E2F3: variants seen among roughly 807,000 people sequenced by gnomAD.
The protein encoded by E2F3 is E2F transcription factor 3.
Under a neutral mutation model 44.4 loss-of-function variants are expected in E2F3, and 11 were observed. That is an observed-to-expected ratio of 0.25 (90% CI 0.16 to 0.41). E2F3 has a LOEUF of 0.41. Among genes scored for constraint, E2F3 ranks in the 10% least tolerant of loss-of-function variants. The pLI, the probability that E2F3 is intolerant of heterozygous loss-of-function variation, is 1.00. For synonymous variants in E2F3, 249 were observed against 253.0 expected (o/e 0.98, Z 0.15); for missense variants, 487 against 583.6 (o/e 0.83, Z 1.70).
intron 1 of E2F3, among the ~76,000 whole-genome samples, chr6:20,452,908 C>T (rs1246767757): frequency 7.9e-5 from 12 of 152,038 alleles, no homozygotes; most frequent in South Asian, 6.2e-4. Context: ...GAGCCGAGAT[C>T]GCACCACTGT....
At chr6:20,458,778 G>A (rs898520748) in intron 1 of E2F3, among the ~76,000 whole-genome samples, 3 of 152,198 alleles carry the variant, frequency 2.0e-5, no homozygotes, top group Non-Finnish European at 4.4e-5. Flanking sequence ...GTGGTTCCAG[G>A]ATGCTTCCCT....
chr6:20,460,548 C>T (rs994788968), intron 1 of E2F3, among the ~76,000 whole-genome samples: 3 of 152,120 alleles, frequency 2.0e-5, no homozygotes, highest in African/African-American at 7.2e-5. Context: ...TAACCATTCC[C>T]TTTTAATGAA....
At chr6:20,424,332 G>A (rs559588764) in intron 1 of E2F3, among the ~76,000 whole-genome samples, 92 of 141,112 alleles carry the variant, frequency 6.5e-4, no homozygotes, top group African/African-American at 2.4e-3. Context: ...CTTTCCCCAC[G>A]CATGCACTTG....
intron 1 of E2F3, 152 bp from the exon 2 acceptor site, chr6:20,479,694 C>T (rs761923579): frequency 1.1e-5 from 7 of 634,158 alleles, no homozygotes; most frequent in Non-Finnish European, 1.7e-5. Context: ...AGAATCCTGG[C>T]TCTAGGGAAT....
At chr6:20,460,281 A>G (rs973069403) in intron 1 of E2F3, among the ~76,000 whole-genome samples, 1 of 152,204 alleles carries the variant, frequency 6.6e-6, no homozygotes, top group Admixed American at 6.5e-5. Context: ...ATTCCCACAC[A>G]CATTCTATCA....
At chr6:20,456,060 G>A (rs1321634623) in intron 1 of E2F3, among the ~76,000 whole-genome samples, 1 of 152,110 alleles carries the variant, frequency 6.6e-6, no homozygotes, top group African/African-American at 2.4e-5. Flanking sequence ...GTTCTTACCT[G>A]TAATCTCATA....
chr6:20,479,757 C>G, intron 1 of E2F3, 89 bp from the exon 2 acceptor site: 1 of 1,072,216 alleles, frequency 9.3e-7, no homozygotes, highest in East Asian at 2.6e-5. Flanking sequence ...CATGAGCCTG[C>G]AGCATTTGGC....
intron 1 of E2F3, among the ~76,000 whole-genome samples, chr6:20,411,275 G>A (rs1303025342): frequency 2.0e-5 from 3 of 152,210 alleles, no homozygotes; most frequent in Non-Finnish European, 4.4e-5. Flanking sequence ...GAATCAGGGT[G>A]TCTGAGCTGC....
chr6:20,459,114 AAGTT>A (rs1355428340), intron 1 of E2F3, among the ~76,000 whole-genome samples: 2 of 152,130 alleles, frequency 1.3e-5, no homozygotes, highest in African/African-American at 4.8e-5. Context: ...AAAAATATAA[AAGTT>A]AGTCTTAGCC....
chr6:20,449,163 C>G (rs1448736455), intron 1 of E2F3, among the ~76,000 whole-genome samples: 1 of 152,160 alleles, frequency 6.6e-6, no homozygotes, highest in Non-Finnish European at 1.5e-5. Flanking sequence ...CTGAAGTTTT[C>G]TGATTTTTTA....
At chr6:20,441,571 G>C (rs962324854) in intron 1 of E2F3, among the ~76,000 whole-genome samples, 1 of 151,750 alleles carries the variant, frequency 6.6e-6, no homozygotes, top group Non-Finnish European at 1.5e-5. Flanking sequence ...TGTTTAGCTT[G>C]TGTTTTTGTT....
chr6:20,454,377 ACTGC>A (rs1246309979), intron 1 of E2F3, among the ~76,000 whole-genome samples: 12 of 152,222 alleles, frequency 7.9e-5, no homozygotes, highest in African/African-American at 2.7e-4. Context: ...ACCCTATAGC[ACTGC>A]CTTGTGGGCG....
intron 1 of E2F3, among the ~76,000 whole-genome samples, chr6:20,432,284 G>GC (rs1364084478): frequency 6.6e-6 from 1 of 150,718 alleles, no homozygotes; most frequent in African/African-American, 2.5e-5. Context: ...GCCTTGGGGA[G>GC]GGGGGTCTGT....
rs1305674676 is a variant in E2F3 at position 20,492,838 on chromosome 6, A to G, written c.*2408A>G. ...TAAGTAATTTTCTTTTTGACTTAGT[A>G]TCCGGCACACAAAGTGGGTTAGTAC... On this transcript the variant is annotated 3_prime_UTR_variant, in exon 7 of 7. Coordinates refer to ENST00000346618, the MANE Select transcript of E2F3 (RefSeq NM_001949.5). The G allele has an allele frequency of 1.3e-5, 3 of 223,876 alleles. No homozygotes were observed. Among genetic ancestry groups the G allele is most frequent in the Admixed American group, 5.7e-5 (1 of 17,432 alleles). The allele number at this position is 223,876 out of a possible 1,614,324, so 13.9% of individuals were successfully genotyped here.
chr6:20,436,452 A>AACACACACACACACACAC (rs765678025), intron 1 of E2F3, among the ~76,000 whole-genome samples: 18 of 146,336 alleles, frequency 1.2e-4, no homozygotes, highest in African/African-American at 3.3e-4. Context: ...TGAGCTAGGA[A>AACACACACACACACACAC]ACACACACAC....
At chr6:20,418,038 G>T (rs1581577044) in intron 1 of E2F3, among the ~76,000 whole-genome samples, 1 of 152,328 alleles carries the variant, frequency 6.6e-6, no homozygotes, top group African/African-American at 2.4e-5. Flanking sequence ...TTGCTCTAGA[G>T]TGTAAGGATC....
At chr6:20,425,641 C>T (rs1760191606) in intron 1 of E2F3, among the ~76,000 whole-genome samples, 1 of 152,090 alleles carries the variant, frequency 6.6e-6, no homozygotes, top group Admixed American at 6.5e-5. Context: ...TGCCCGCCCG[C>T]CCCGCCTCGG....
intron 1 of E2F3, among the ~76,000 whole-genome samples, chr6:20,477,291 C>G (rs936952715): frequency 1.8e-4 from 28 of 152,142 alleles, no homozygotes; most frequent in African/African-American, 6.5e-4. Context: ...GAAGCCTTAC[C>G]AATAACATAA....
chr6:20,488,138 C>A lies in E2F3; in HGVS notation c.1025C>A (p.Thr342Asn). 6.2e-7 allele frequency: 1 copy of A among 1,614,116 alleles called. No homozygotes were observed. Among genetic ancestry groups the A allele is most frequent in the South Asian group, 1.1e-5 (1 of 91,080 alleles). ...AGCCTACAAATACATTTGGCAAGTA[C>A]CCAAGGGCCCATTGAGGTTTACTTA... ...IESLQIHLAS[T>N]QGPIEVYLCP... is the part of the protein sequence containing the mutation. The change falls in exon 6 of 7, where the codon ACC (threonine) becomes AAC (asparagine). Residue 342 changes from threonine (T) to asparagine (N), a missense_variant. Transcript: ENST00000346618.
Sources: gnomAD v4.1 joint callset for allele counts (sites outside exome capture counted in the v4.1 genomes callset) on GRCh38, gnomAD v4.1.1 for gene constraint, MANE v1.5 for transcripts, NCBI Gene and HGNC (gene_info 2026-07-23, HGNC 2026-07-21) for gene names.